STX6: variants seen among roughly 807,000 people sequenced by gnomAD.
STX6 encodes the protein syntaxin-6.
STX6 carries 23 observed loss-of-function variants against 38.0 expected under a neutral mutation model. That is an observed-to-expected ratio of 0.60 (90% CI 0.43 to 0.86). STX6 has a LOEUF of 0.86. Among genes scored for constraint, STX6 ranks in the 40% least tolerant of loss-of-function variants. The pLI is 0.00. For missense variants in STX6, 274 were observed against 312.9 expected (o/e 0.88, Z 0.94); for synonymous variants, 123 against 107.5 (o/e 1.14, Z -0.89).
intron 3 of STX6, among the ~76,000 whole-genome samples, chr1:180,994,807 A>C (rs1253480756): frequency 2.6e-5 from 4 of 152,238 alleles, no homozygotes; most frequent in African/African-American, 7.2e-5. Flanking sequence ...ATTTCAAAAT[A>C]GCAAGAAGAG....
intron 1 of STX6, among the ~76,000 whole-genome samples, chr1:181,016,853 G>A (rs190248245): frequency 2.0e-4 from 30 of 152,156 alleles, no homozygotes; most frequent in African/African-American, 6.5e-4. Context: ...TTGGGAGGCC[G>A]AGGCGGGCAG....
At position 181,018,062 on chromosome 1, in the gene STX6, T is replaced by C. The variant is rs1467429937; in HGVS notation, c.35+4577A>G. The stretch of plus-strand genomic sequence containing the variant: ...CATTAAAAGCTGCCACCCAGAAGTC[T>C]GAAGGATATAAAGAAATACAGATGA... On this transcript the variant is annotated intron_variant, in intron 1 of 7. Coordinates refer to ENST00000258301, the MANE Select transcript of STX6 (RefSeq NM_005819.6). Among the ~76,000 whole-genome samples, 3 of 151,424 alleles carry C rather than the reference T, an allele frequency of 2.0e-5. No homozygotes were observed. In the East Asian group the frequency reaches 5.8e-4, roughly 29 times the overall value.
chr1:180,974,066 C>T lies in STX6; in HGVS notation c.*2504G>A, dbSNP rs1439047297. 1.3e-5 allele frequency: 2 copies of T among 152,212 alleles called. No homozygotes were observed. The highest frequency in any genetic ancestry group is 2.9e-5 in the Non-Finnish European group (2 of 68,046). The allele number at this position is 152,212 out of a possible 1,614,324, so 9.4% of individuals were successfully genotyped here. ...GAGACCACCTGGGTTCCCTCTAAAGCCCTGAACATTAGGACCACTGAGGAG... is the reference window on the plus strand; with the variant it reads ...GAGACCACCTGGGTTCCCTCTAAAGTCCTGAACATTAGGACCACTGAGGAG... On this transcript the variant is annotated 3_prime_UTR_variant, in exon 8 of 8. Transcript: ENST00000258301.
At chr1:181,001,104 T>G (rs192013571) in intron 3 of STX6, among the ~76,000 whole-genome samples, 1 of 152,190 alleles carries the variant, frequency 6.6e-6, no homozygotes, top group African/African-American at 2.4e-5. Flanking sequence ...TATATGTATA[T>G]AGAAAGGCAA....
intron 7 of STX6, 79 bp from the exon 8 acceptor site, chr1:180,976,725 C>T: frequency 2.9e-6 from 4 of 1,381,276 alleles, no homozygotes; most frequent in Non-Finnish European, 4.1e-6. Context: ...ATTTATGGCA[C>T]CCTTTGAAGC....
intron 4 of STX6, among the ~76,000 whole-genome samples, chr1:180,992,328 T>C (rs978168686): frequency 2.0e-5 from 3 of 152,262 alleles, no homozygotes; most frequent in African/African-American, 4.8e-5. Context: ...GTGATATTTA[T>C]AGAACCCTGC....
chr1:181,007,196 G>C (rs1656249754), intron 1 of STX6, among the ~76,000 whole-genome samples: 1 of 152,072 alleles, frequency 6.6e-6, no homozygotes, highest in Non-Finnish European at 1.5e-5. Flanking sequence ...ACATAAAGTG[G>C]CATAGTATTT....
At chr1:180,993,551 G>C (rs528439012) in intron 3 of STX6, 126 bp from the exon 4 acceptor site, 2 of 505,478 alleles carry the variant, frequency 4.0e-6, no homozygotes, top group Non-Finnish European at 7.0e-6. Flanking sequence ...GCATTTCTTG[G>C]CTTTATTTTC....
At chr1:180,998,317 T>C (rs1456557663) in intron 3 of STX6, among the ~76,000 whole-genome samples, 2 of 152,194 alleles carry the variant, frequency 1.3e-5, no homozygotes, top group Admixed American at 1.3e-4. Flanking sequence ...GCCCTGTGGG[T>C]AGGCATCCTG....
intron 7 of STX6, among the ~76,000 whole-genome samples, chr1:180,977,140 T>A (rs1179626879): frequency 6.6e-6 from 1 of 152,210 alleles, no homozygotes; most frequent in Non-Finnish European, 1.5e-5. Context: ...CAAGCTCCAG[T>A]GAGACAGCAT....
At chr1:181,020,519 CA>C (rs1191240312) in intron 1 of STX6, among the ~76,000 whole-genome samples, 1 of 152,128 alleles carries the variant, frequency 6.6e-6, no homozygotes, top group Non-Finnish European at 1.5e-5. Context: ...CAATAGATCC[CA>C]GGACAGCTGA....
chr1:180,982,685 C>T (rs145045356), intron 7 of STX6, among the ~76,000 whole-genome samples: 224 of 152,348 alleles, frequency 1.5e-3, no homozygotes, highest in African/African-American at 5.3e-3. Flanking sequence ...GCAACTACTA[C>T]ATACATGAGT....
chr1:181,015,537 T>G (rs1656530950), intron 1 of STX6, among the ~76,000 whole-genome samples: 1 of 152,228 alleles, frequency 6.6e-6, no homozygotes, highest in African/African-American at 2.4e-5. Flanking sequence ...TTTGTGCTCC[T>G]TAAACATAAA....
At chr1:181,012,672 CTTTTTTTTT>C (rs58296301) in intron 1 of STX6, among the ~76,000 whole-genome samples, 2 of 118,922 alleles carry the variant, frequency 1.7e-5, no homozygotes, top group African/African-American at 3.2e-5. Context: ...TTCTTCCATT[CTTTTTTTTT>C]TTTTTTTTTT....
intron 2 of STX6, 44 bp from the exon 3 acceptor site, chr1:181,002,744 T>C: frequency 7.5e-7 from 1 of 1,325,080 alleles, no homozygotes; most frequent in Non-Finnish European, 1.1e-6. Flanking sequence ...CATCAAAGCC[T>C]GACAACATCC....
At chr1:181,016,020 TA>T (rs1394688670) in intron 1 of STX6, among the ~76,000 whole-genome samples, 1 of 152,220 alleles carries the variant, frequency 6.6e-6, no homozygotes, top group Non-Finnish European at 1.5e-5. Flanking sequence ...AAGCTGACTA[TA>T]AGCAAGTGAA....
intron 1 of STX6, among the ~76,000 whole-genome samples, chr1:181,018,731 C>A (rs939161245): frequency 3.9e-5 from 6 of 152,160 alleles, no homozygotes; most frequent in African/African-American, 1.4e-4. Flanking sequence ...TAAGTTACAA[C>A]AGCTTTCTAA....
At chr1:180,983,228 A>G (rs1655465288) in intron 7 of STX6, among the ~76,000 whole-genome samples, 1 of 152,216 alleles carries the variant, frequency 6.6e-6, no homozygotes, top group Non-Finnish European at 1.5e-5. Context: ...GTAAACCTGC[A>G]TATGTATTTA....
In STX6 at chr1:180,988,364, G is replaced by T. The variant is rs1296300566; in HGVS notation, c.490-19C>A. The stretch of plus-strand genomic sequence containing the variant: ...CGATCAACTGGTGCCAGAGAAATGG[G>T]AAATAAGCAATTAAAATCCATCTTA... On this transcript the variant is annotated intron_variant, in intron 5 of 7. Transcript: ENST00000258301. The T allele has an allele frequency of 6.3e-7, 1 of 1,595,536 alleles. No homozygotes were observed. The highest frequency in any genetic ancestry group is 1.7e-5 in the Admixed American group (1 of 59,970).
Sources: allele counts gnomAD v4.1 joint callset (sites outside exome capture counted in the v4.1 genomes callset), GRCh38; gene constraint gnomAD v4.1.1; transcripts MANE v1.5; gene names NCBI Gene and HGNC (gene_info 2026-07-23, HGNC 2026-07-21).